NDST4: variants seen among roughly 807,000 people sequenced by gnomAD.
The protein encoded by NDST4 is N-heparan sulfate sulfotransferase 4.
NDST4 carries 63 observed loss-of-function variants against 100.8 expected under a neutral mutation model. That is an observed-to-expected ratio of 0.62 (90% CI 0.51 to 0.77). The LOEUF is 0.77. Among genes scored for constraint, NDST4 ranks in the 30% least tolerant of loss-of-function variants. The probability of loss-of-function intolerance (pLI) is 0.00; values close to 1 mark genes in which losing one functional copy is unlikely to be tolerated. For missense variants in NDST4, 943 were observed against 1,018.4 expected (o/e 0.93, Z 1.01); for synonymous variants, 377 against 361.8 (o/e 1.04, Z -0.48).
chr4:115,017,563 A>G (rs1727705124), intron 2 of NDST4, among the ~76,000 whole-genome samples: 2 of 152,154 alleles, frequency 1.3e-5, no homozygotes, highest in Non-Finnish European at 2.9e-5. Flanking sequence ...AGACACCTTG[A>G]AGGTCATTTT....
intron 9 of NDST4, among the ~76,000 whole-genome samples, chr4:114,846,259 A>G (rs751555056): frequency 1.2e-4 from 19 of 152,316 alleles, no homozygotes; most frequent in African/African-American, 3.1e-4. Context: ...AGTACTATAC[A>G]TTTGGGCTGA....
chr4:114,884,753 A>T (rs536762253), intron 6 of NDST4, among the ~76,000 whole-genome samples: 26 of 152,288 alleles, frequency 1.7e-4, no homozygotes, highest in Admixed American at 1.6e-3. Flanking sequence ...AAAGCATATG[A>T]ATGGTTCTCC....
rs1553921940 is a variant in NDST4, at chr4:115,080,708, G to GTGTAA, written c.-246-3427_-246-3426insTTACA. Reference sequence around the variant, plus strand: ...TAGTGTGTAGTGTGTGTGTGTGTGTGTAATAATGAAAGTGAAAGATATTTG... The same window carrying GTGTAA: ...TAGTGTGTAGTGTGTGTGTGTGTGTGTGTAATAATAATGAAAGTGAAAGATATTTG... On this transcript the variant is annotated intron_variant, in intron 1 of 13. Transcript: ENST00000264363. Among the ~76,000 whole-genome samples, 462 of 151,458 alleles carry GTGTAA rather than the reference G, an allele frequency of 3.1e-3. 3 individuals are homozygous for GTGTAA. Among genetic ancestry groups the GTGTAA allele is most frequent in the East Asian group, 0.013 (69 of 5,142 alleles).
chr4:115,065,216 C>T (rs888187850), intron 2 of NDST4, among the ~76,000 whole-genome samples: 1 of 151,950 alleles, frequency 6.6e-6, no homozygotes, highest in Non-Finnish European at 1.5e-5. Context: ...CAAACTCTGT[C>T]TTAGCTACTT....
At chr4:115,027,083 G>A (rs755760326) in intron 2 of NDST4, among the ~76,000 whole-genome samples, 87 of 152,236 alleles carry the variant, frequency 5.7e-4, no homozygotes, top group Non-Finnish European at 1.1e-3. Flanking sequence ...GAGTGTTCAT[G>A]GGTTCTTTGA....
chr4:115,108,711 C>T (rs1308244743), intron 1 of NDST4, among the ~76,000 whole-genome samples: 2 of 151,756 alleles, frequency 1.3e-5, no homozygotes, highest in Non-Finnish European at 2.9e-5. Flanking sequence ...GAAGAACAGC[C>T]CATATGTTAA....
intron 2 of NDST4, among the ~76,000 whole-genome samples, chr4:115,031,653 G>C (rs1274684053): frequency 6.6e-6 from 1 of 152,124 alleles, no homozygotes; most frequent in Non-Finnish European, 1.5e-5. Context: ...TTTAAAGTAT[G>C]CAAGCTTAAA....
intron 7 of NDST4, among the ~76,000 whole-genome samples, chr4:114,868,964 A>G (rs1393692889): frequency 6.9e-6 from 1 of 145,594 alleles, no homozygotes; most frequent in Non-Finnish European, 1.5e-5. Context: ...ATATATATAT[A>G]TATTTCTTAT....
intron 4 of NDST4, among the ~76,000 whole-genome samples, chr4:114,947,104 TTGTAA>T (rs1159785915): frequency 6.6e-6 from 1 of 152,096 alleles, no homozygotes; most frequent in Non-Finnish European, 1.5e-5. Context: ...AAATAAAGAC[TTGTAA>T]TGTCTGGGCA....
At position 114,929,054 on chromosome 4, in the gene NDST4, G is replaced by A. The variant is rs375704215; in HGVS notation, c.1536+6152C>T. 9.6e-4 allele frequency among the ~76,000 whole-genome samples: 90 copies of A among 93,478 alleles called. 1 individual carries two copies. Among genetic ancestry groups the A allele is most frequent in the African/African-American group, 2.3e-3 (73 of 31,694 alleles). 61.3% of individuals were successfully genotyped at this position (93,478 alleles called of 152,430 possible). A position where few individuals can be genotyped will look rare whatever the true frequency, so the allele number is the denominator to read the frequency against. Reference sequence around the variant, plus strand: ...TGTCTGTCTGTCTGTCCGTCCGTCCGTCCGTCCGTCCGTCCGTCCGTCCAT... The same window carrying A: ...TGTCTGTCTGTCTGTCCGTCCGTCCATCCGTCCGTCCGTCCGTCCGTCCAT... On this transcript the variant is annotated intron_variant, in intron 6 of 13. Transcript: ENST00000264363.
chr4:115,090,287 T>C (rs2126294510), intron 1 of NDST4, among the ~76,000 whole-genome samples: 1 of 152,050 alleles, frequency 6.6e-6, no homozygotes, highest in African/African-American at 2.4e-5. Context: ...CAGAGTTATG[T>C]TCTTGACTTT....
At chr4:114,887,227 T>C (rs953902921) in intron 6 of NDST4, among the ~76,000 whole-genome samples, 1 of 152,192 alleles carries the variant, frequency 6.6e-6, no homozygotes, top group Admixed American at 6.6e-5. Context: ...CTGGGTCTAA[T>C]GTGAGACATT....
intron 11 of NDST4, among the ~76,000 whole-genome samples, chr4:114,836,078 G>A (rs964817058): frequency 6.6e-6 from 1 of 152,150 alleles, no homozygotes; most frequent in Non-Finnish European, 1.5e-5. Context: ...TTGCCAATCT[G>A]TGTCTTTGAA....
At chr4:114,909,553 G>C (rs1287873418) in intron 6 of NDST4, among the ~76,000 whole-genome samples, 2 of 150,746 alleles carry the variant, frequency 1.3e-5, no homozygotes, top group Non-Finnish European at 3.0e-5. Context: ...CCAGCTACTC[G>C]GGAGGCTGAG....
chr4:114,940,520 C>G (rs1725725681), intron 4 of NDST4, among the ~76,000 whole-genome samples: 1 of 152,184 alleles, frequency 6.6e-6, no homozygotes, highest in Admixed American at 6.5e-5. Context: ...CAATCCCTAA[C>G]AGGACGGGGA....
intron 2 of NDST4, among the ~76,000 whole-genome samples, chr4:115,072,244 A>T (rs1362702134): frequency 6.6e-6 from 1 of 152,120 alleles, no homozygotes; most frequent in African/African-American, 2.4e-5. Flanking sequence ...CTGATGAAGT[A>T]GAAAAATTAA....
At chr4:114,899,876 G>T (rs1001154305) in intron 6 of NDST4, among the ~76,000 whole-genome samples, 2 of 152,054 alleles carry the variant, frequency 1.3e-5, no homozygotes, top group South Asian at 4.1e-4. Context: ...TACTCCCTCT[G>T]CTTCTATCTT....
At chr4:114,873,055 A>G (rs984006690) in intron 6 of NDST4, among the ~76,000 whole-genome samples, 10 of 147,966 alleles carry the variant, frequency 6.8e-5, no homozygotes, top group African/African-American at 2.6e-4. Flanking sequence ...GAATGAAAAA[A>G]GAAAAAAATA....
Position 115,021,792 on chromosome 4 carries a change from C to T in NDST4, c.979-44518G>A, listed in dbSNP as rs1217167939. Among the ~76,000 whole-genome samples, 4 of 151,676 alleles carry T rather than the reference C, an allele frequency of 2.6e-5. No homozygotes were observed. In the East Asian group the frequency reaches 7.8e-4, roughly 30 times the overall value. On this transcript the variant is annotated intron_variant, in intron 2 of 13. Coordinates refer to ENST00000264363, the MANE Select transcript of NDST4 (RefSeq NM_022569.3). ...TATACACATTCCATATATATACCTT[C>T]CACATCTATACACATTCCATATATA...
Sources: gnomAD v4.1 joint callset for allele counts (sites outside exome capture counted in the v4.1 genomes callset) on GRCh38, gnomAD v4.1.1 for gene constraint, MANE v1.5 for transcripts, NCBI Gene and HGNC (gene_info 2026-07-23, HGNC 2026-07-21) for gene names.